Variants in AP1AR observed in about 807,000 individuals in gnomAD.
AP1AR encodes the protein adaptor related protein complex 1 associated regulatory protein.
AP1AR carries 29 observed loss-of-function variants against 46.3 expected under a neutral mutation model. The observed-to-expected ratio is 0.63, with a 90% CI of 0.47 to 0.85. The LOEUF (loss-of-function observed/expected upper bound fraction) is 0.85, where lower values mean the gene tolerates loss of function less well. Among genes scored for constraint, AP1AR ranks in the 40% least tolerant of loss-of-function variants. AP1AR has a pLI of 0.00. For synonymous variants in AP1AR, 122 were observed against 122.9 expected, an observed-to-expected ratio of 0.99 and a Z score of 0.05; for missense variants, 357 against 356.3, an observed-to-expected ratio of 1.00 and a Z score of -0.02.
intron 2 of AP1AR, among the ~76,000 whole-genome samples, chr4:112,254,466 T>C (rs1726095404): frequency 6.6e-6 from 1 of 152,202 alleles, no homozygotes; most frequent in African/African-American, 2.4e-5. Flanking sequence ...TCAATTCAGA[T>C]GAAAGTTTTA....
intron 3 of AP1AR, among the ~76,000 whole-genome samples, chr4:112,255,946 T>A (rs140424724): frequency 6.6e-6 from 1 of 152,228 alleles, no homozygotes; most frequent in Non-Finnish European, 1.5e-5. Flanking sequence ...TCTACATCTT[T>A]AAAATTGGTT....
chr4:112,255,819 A>G (rs1726177023), intron 3 of AP1AR, among the ~76,000 whole-genome samples: 1 of 152,252 alleles, frequency 6.6e-6, no homozygotes, highest in Non-Finnish European at 1.5e-5. Flanking sequence ...TCAAAAGGCT[A>G]AGAAGCATTT....
chr4:112,261,673 G>C (rs887070786), intron 5 of AP1AR, among the ~76,000 whole-genome samples: 2 of 151,870 alleles, frequency 1.3e-5, no homozygotes, highest in South Asian at 4.2e-4. Flanking sequence ...GTTTAAGACC[G>C]GGCTTGGTGG....
chr4:112,268,992 T>C lies in AP1AR; in HGVS notation c.*583T>C, dbSNP rs1373270486. 6.6e-6 allele frequency: 1 copy of C among 151,658 alleles called. No individual in the cohort carries two copies. Among genetic ancestry groups the C allele is most frequent in the Non-Finnish European group, 1.5e-5 (1 of 67,774 alleles). The allele number at this position is 151,658 out of a possible 1,614,324, so 9.4% of individuals were successfully genotyped here. On this transcript the variant is annotated 3_prime_UTR_variant, in exon 10 of 10. Coordinates refer to ENST00000274000, the MANE Select transcript of AP1AR (RefSeq NM_018569.6). ...ACATGTGTTTATTTACATGTCCTAGTATGATAATGTTGATTCAATCTGAAC... is the reference window on the plus strand; with the variant it reads ...ACATGTGTTTATTTACATGTCCTAGCATGATAATGTTGATTCAATCTGAAC...
In AP1AR at chr4:112,270,176, A is replaced by T. The variant is rs1726892828; in HGVS notation, c.*1767A>T. The T allele has an allele frequency of 6.6e-6, 1 of 152,606 alleles. No individual in the cohort carries two copies. Among genetic ancestry groups the T allele is most frequent in the African/African-American group, 2.4e-5 (1 of 41,474 alleles). 9.5% of individuals were successfully genotyped at this position (152,606 alleles called of 1,614,324 possible). A position where few individuals can be genotyped will look rare whatever the true frequency, so the allele number is the denominator to read the frequency against. On this transcript the variant is annotated 3_prime_UTR_variant, in exon 10 of 10. Transcript: ENST00000274000. ...AAGTAAATTAAGAAAGCAAGATGGAACTAGAAAATGTGTTTTAACTGTTAA... is the reference window on the plus strand; with the variant it reads ...AAGTAAATTAAGAAAGCAAGATGGATCTAGAAAATGTGTTTTAACTGTTAA...
At position 112,232,130 on chromosome 4, in the gene AP1AR, T is replaced by G; in HGVS notation, c.39T>G (p.Leu13=). 7.8e-7 allele frequency: 1 copy of G among 1,284,052 alleles called. No individual in the cohort carries two copies. The highest frequency in any genetic ancestry group is 1.5e-5 in the African/African-American group (1 of 64,880). 79.5% of individuals were successfully genotyped at this position (1,284,052 alleles called of 1,614,324 possible). ...NCCWTQCFGL[L]RKEAGRLQRV... is the part of the protein sequence containing the mutation. ...GCTGGACGCAGTGCTTCGGACTGCT[T>G]CGCAAGGAAGCGGGGCGGCTGCAGC... The change falls in exon 1 of 10, where the codon CTT becomes CTG. Residue 13 remains leucine (L), a synonymous_variant. Transcript: ENST00000274000.
intron 1 of AP1AR, among the ~76,000 whole-genome samples, chr4:112,245,165 T>C (rs1440129903): frequency 6.6e-6 from 1 of 152,206 alleles, no homozygotes; most frequent in African/African-American, 2.4e-5. Context: ...TATATACTCC[T>C]AATTTTTAGT....
intron 1 of AP1AR, among the ~76,000 whole-genome samples, chr4:112,237,372 A>G (rs1004110118): frequency 6.6e-6 from 1 of 151,766 alleles, no homozygotes; most frequent in African/African-American, 2.4e-5. Context: ...TCCTAAAGTG[A>G]TGGGATTACA....
At chr4:112,259,153 G>A (rs1316997581) in intron 4 of AP1AR, among the ~76,000 whole-genome samples, 1 of 152,190 alleles carries the variant, frequency 6.6e-6, no homozygotes, top group Non-Finnish European at 1.5e-5. Context: ...ATGAAACTGA[G>A]GTAGTAAGAT....
intron 5 of AP1AR, 65 bp from the exon 6 acceptor site, chr4:112,262,923 T>C: frequency 9.5e-7 from 1 of 1,051,934 alleles, no homozygotes; most frequent in South Asian, 1.4e-5. Context: ...TAGAAGCATT[T>C]TATTTTTAGA....
At chr4:112,264,064 C>G (rs924353741) in intron 6 of AP1AR, among the ~76,000 whole-genome samples, 1 of 152,120 alleles carries the variant, frequency 6.6e-6, no homozygotes, top group Admixed American at 6.6e-5. Context: ...CTTCTCCCCC[C>G]AACTTTCCTT....
intron 1 of AP1AR, among the ~76,000 whole-genome samples, chr4:112,241,287 T>C (rs536044977): frequency 6.6e-6 from 1 of 152,352 alleles, no homozygotes; most frequent in Admixed American, 6.5e-5. Context: ...CAGTAGGAGA[T>C]ATCTGTATTT....
In AP1AR at chr4:112,268,452, TAAA is replaced by T. The variant is rs772457728; in HGVS notation, c.*46_*48del. Reference sequence around the variant, plus strand: ...TTGTTTATCAGTTATGACCAAATGTTAAAAACCAACTAGAATGTATAAGTGATT... The same window carrying T: ...TTGTTTATCAGTTATGACCAAATGTTAACCAACTAGAATGTATAAGTGATT... On this transcript the variant is annotated 3_prime_UTR_variant, in exon 10 of 10. Coordinates refer to ENST00000274000, the MANE Select transcript of AP1AR (RefSeq NM_018569.6). The T allele has an allele frequency of 5.3e-6, 8 of 1,520,014 alleles. No individual in the cohort carries two copies. In the South Asian group the frequency reaches 1.1e-4, roughly 20 times the overall value. The allele number at this position is 1,520,014 out of a possible 1,614,324, so 94.2% of individuals were successfully genotyped here.
At chr4:112,248,625 T>C (rs1296283445) in intron 1 of AP1AR, among the ~76,000 whole-genome samples, 1 of 152,204 alleles carries the variant, frequency 6.6e-6, no homozygotes, top group African/African-American at 2.4e-5. Flanking sequence ...TCTGCTTTTG[T>C]GCATATTTGA....
intron 4 of AP1AR, among the ~76,000 whole-genome samples, chr4:112,259,403 C>T (rs1726344053): frequency 6.6e-6 from 1 of 152,190 alleles, no homozygotes; most frequent in African/African-American, 2.4e-5. Flanking sequence ...AATCTGTCTT[C>T]GTTTCACTTC....
At position 112,257,810 on chromosome 4, in the gene AP1AR, T is replaced by TAAAAA; in HGVS notation, c.185+21_185+25dup. On this transcript the variant is annotated intron_variant, in intron 4 of 9. Coordinates refer to ENST00000274000, the MANE Select transcript of AP1AR (RefSeq NM_018569.6). ...GAAGCAGTCATAGGTAAGGCTTTGT[T>TAAAAA]AAAAAAAAAAAACAAAACTTCTATG... 1.6e-6 allele frequency: 2 copies of TAAAAA among 1,235,996 alleles called. No individual in the cohort carries two copies. The highest frequency in any genetic ancestry group is 2.2e-6 in the Non-Finnish European group (2 of 916,010). The allele number at this position is 1,235,996 out of a possible 1,614,324, so 76.6% of individuals were successfully genotyped here.
intron 1 of AP1AR, among the ~76,000 whole-genome samples, chr4:112,234,536 T>C (rs1725158484): frequency 6.6e-6 from 1 of 152,238 alleles, no homozygotes; most frequent in African/African-American, 2.4e-5. Flanking sequence ...GTTCCCTTAC[T>C]TGAATTTTCT....
chr4:112,242,627 TAAC>T (rs1335169265), intron 1 of AP1AR, among the ~76,000 whole-genome samples: 2 of 152,126 alleles, frequency 1.3e-5, no homozygotes, highest in African/African-American at 4.8e-5. Flanking sequence ...AGGCTCTTTT[TAAC>T]AACCTGCTTT....
At chr4:112,252,462 A>G (rs1229617601) in intron 1 of AP1AR, among the ~76,000 whole-genome samples, 2 of 152,232 alleles carry the variant, frequency 1.3e-5, no homozygotes, top group Non-Finnish European at 2.9e-5. Flanking sequence ...ACTTCCAGTT[A>G]CAAAGGACTG....
Sources: allele counts gnomAD v4.1 joint callset (sites outside exome capture counted in the v4.1 genomes callset), GRCh38; gene constraint gnomAD v4.1.1; transcripts MANE v1.5; gene names NCBI Gene and HGNC (gene_info 2026-07-23, HGNC 2026-07-21).